The following GRID2 variants were observed in gnomAD, a reference collection of about 807,000 sequenced individuals.
The protein encoded by GRID2 is glutamate ionotropic receptor delta type subunit 2, also known as glutamate receptor ionotropic, delta-2.
A neutral mutation model predicts 114.8 loss-of-function variants in GRID2; 33 were observed. The ratio of observed to expected loss-of-function variants is 0.29; its 90% CI spans 0.22 to 0.38. GRID2 has a LOEUF of 0.38. GRID2 is among the 10% of genes least tolerant of loss of function. The pLI is 1.00. For synonymous variants in GRID2, 505 were observed against 449.9 expected (o/e 1.12, Z -1.55); for missense variants, 1,184 against 1,257.7 (o/e 0.94, Z 0.89).
intron 2 of GRID2, among the ~76,000 whole-genome samples, chr4:93,072,371 A>G (rs547971283): frequency 1.1e-3 from 160 of 152,324 alleles, no homozygotes; most frequent in South Asian, 7.5e-3. Flanking sequence ...ATGAACTCAT[A>G]AAGGCTAAGT....
Position 93,490,621 on chromosome 4 carries a change from C to G in GRID2, c.1859-18C>G, listed in dbSNP as rs1726898867. The G allele has an allele frequency of 6.3e-7, 1 of 1,590,636 alleles. No homozygotes were observed. The highest frequency in any genetic ancestry group is 8.6e-7 in the Non-Finnish European group (1 of 1,161,564). On this transcript the variant is annotated intron_variant, in intron 11 of 15. Transcript: ENST00000282020. ...ATACTAGTTGATGTTCTTTTTATCT[C>G]TTTGCTTCTTTCTACAGGCGGGGAA...
chr4:92,440,031 TA>T (rs1732959817), intron 1 of GRID2, among the ~76,000 whole-genome samples: 1 of 146,044 alleles, frequency 6.8e-6, no homozygotes, highest in Non-Finnish European at 1.5e-5. Flanking sequence ...TGGGGCCTAA[TA>T]AAAAGGAGCA....
intron 10 of GRID2, among the ~76,000 whole-genome samples, chr4:93,453,588 C>A (rs1036813266): frequency 6.6e-6 from 1 of 151,976 alleles, no homozygotes; most frequent in East Asian, 1.9e-4. Context: ...TATTTTTATT[C>A]TATTTTAAAA....
At chr4:92,417,872 C>T (rs1237473742) in intron 1 of GRID2, among the ~76,000 whole-genome samples, 1 of 152,088 alleles carries the variant, frequency 6.6e-6, no homozygotes, top group East Asian at 1.9e-4. Flanking sequence ...CTCATGCGAT[C>T]TGACGGTTTT....
chr4:92,556,714 A>T (rs1448377139), intron 1 of GRID2, among the ~76,000 whole-genome samples: 4 of 152,070 alleles, frequency 2.6e-5, no homozygotes, highest in African/African-American at 9.7e-5. Context: ...CAAGTTTTTG[A>T]CATCTGCTGG....
At chr4:92,378,937 T>A (rs183817294) in intron 1 of GRID2, among the ~76,000 whole-genome samples, 174 of 152,070 alleles carry the variant, frequency 1.1e-3, no homozygotes, top group Non-Finnish European at 1.9e-3. Flanking sequence ...AATGTTAAAA[T>A]TTTTAAAATA....
chr4:93,465,035 G>A (rs1724134141), intron 11 of GRID2, among the ~76,000 whole-genome samples: 1 of 152,144 alleles, frequency 6.6e-6, no homozygotes, highest in Non-Finnish European at 1.5e-5. Context: ...TAGTCACAGA[G>A]GTGAATAAGA....
intron 4 of GRID2, among the ~76,000 whole-genome samples, chr4:93,181,905 AAATCCTTT>A (rs1382088644): frequency 6.6e-6 from 1 of 152,196 alleles, no homozygotes; most frequent in Non-Finnish European, 1.5e-5. Context: ...ATCTTAATAA[AAATCCTTT>A]GTAAGAATAG....
intron 2 of GRID2, among the ~76,000 whole-genome samples, chr4:92,919,903 T>G (rs1749160946): frequency 1.3e-5 from 2 of 152,208 alleles, no homozygotes; most frequent in South Asian, 4.1e-4. Context: ...TTCGATGTCC[T>G]TGTTAACTTT....
At chr4:92,416,288 T>A (rs1480710148) in intron 1 of GRID2, among the ~76,000 whole-genome samples, 3 of 152,170 alleles carry the variant, frequency 2.0e-5, no homozygotes, top group African/African-American at 7.2e-5. Context: ...GAGTTTCTTG[T>A]AGATTCTGGA....
chr4:92,865,206 C>A (rs1266915536), intron 2 of GRID2, among the ~76,000 whole-genome samples: 1 of 152,104 alleles, frequency 6.6e-6, no homozygotes, highest in East Asian at 1.9e-4. Context: ...TTCAAAAACT[C>A]CTGCCTTTAC....
chr4:92,443,075 A>T (rs1471067362), intron 1 of GRID2, among the ~76,000 whole-genome samples: 8 of 152,166 alleles, frequency 5.3e-5, no homozygotes, highest in African/African-American at 1.9e-4. Context: ...AGAAAGACTC[A>T]GCGAGGCTTG....
At chr4:92,366,375 T>C (rs917682579) in intron 1 of GRID2, among the ~76,000 whole-genome samples, 2 of 151,974 alleles carry the variant, frequency 1.3e-5, no homozygotes, top group African/African-American at 2.4e-5. Context: ...AAAACAAAAT[T>C]ATCTAAACCT....
chr4:93,730,810 A>G (rs959852602), intron 14 of GRID2, among the ~76,000 whole-genome samples: 12 of 152,208 alleles, frequency 7.9e-5, no homozygotes, highest in African/African-American at 2.9e-4. Flanking sequence ...AGGCACCTGA[A>G]GGTGGCCCCT....
At chr4:93,199,436 TTGGCTAAGTCTCAGCGG>T (rs1385103519) in intron 4 of GRID2, among the ~76,000 whole-genome samples, 1 of 152,190 alleles carries the variant, frequency 6.6e-6, no homozygotes, top group Non-Finnish European at 1.5e-5. Context: ...TAGCACAGTG[TTGGCTAAGTCTCAGCGG>T]TGGCATATTT....
intron 2 of GRID2, among the ~76,000 whole-genome samples, chr4:92,901,064 AT>A (rs924146717): frequency 1.3e-5 from 2 of 151,706 alleles, no homozygotes; most frequent in African/African-American, 4.8e-5. Flanking sequence ...TTATACAATA[AT>A]TTTTTTTAGC....
rs368049165 is a variant in GRID2, at chr4:93,383,554, A to C, written c.1246-12053A>C. Among the ~76,000 whole-genome samples the C allele has an allele frequency of 5.0e-4, 76 of 152,276 alleles. 1 individual carries two copies. Among genetic ancestry groups the C allele is most frequent in the African/African-American group, 1.8e-3 (74 of 41,562 alleles). On this transcript the variant is annotated intron_variant, in intron 8 of 15. Transcript: ENST00000282020. ...TTCTGCCAGTGCAGTTGTTGCCTAC[A>C]TGGGGAGACAGATTTCTGGTGCTTT...
chr4:92,719,837 G>A (rs759203315), intron 2 of GRID2, among the ~76,000 whole-genome samples: 42 of 152,104 alleles, frequency 2.8e-4, no homozygotes, highest in Non-Finnish European at 1.2e-4. Flanking sequence ...TTTGATCAGA[G>A]AATGAGCCAA....
intron 14 of GRID2, among the ~76,000 whole-genome samples, chr4:93,673,709 C>T (rs893040323): frequency 9.9e-5 from 15 of 152,150 alleles, no homozygotes; most frequent in African/African-American, 1.7e-4. Flanking sequence ...CATTGACTTT[C>T]GATTGAAAAT....
Sources: gnomAD v4.1 joint callset for allele counts (sites outside exome capture counted in the v4.1 genomes callset) on GRCh38, gnomAD v4.1.1 for gene constraint, MANE v1.5 for transcripts, NCBI Gene and HGNC (gene_info 2026-07-23, HGNC 2026-07-21) for gene names.